The following ALDH1A2 variants were observed in gnomAD, a reference collection of about 807,000 sequenced individuals.
ALDH1A2 encodes retinal dehydrogenase 2.
A neutral mutation model predicts 60.3 loss-of-function variants in ALDH1A2; 27 were observed. The ratio of observed to expected loss-of-function variants is 0.45; its 90% CI spans 0.33 to 0.62. ALDH1A2 has a LOEUF of 0.62. Ranked by LOEUF, ALDH1A2 falls within the 20% of genes least tolerant of loss-of-function variation. ALDH1A2 has a pLI of 0.02. For missense variants in ALDH1A2, 581 were observed against 643.8 expected (o/e 0.90, Z 1.06); for synonymous variants, 289 against 232.4 (o/e 1.24, Z -2.21).
intron 1 of ALDH1A2, among the ~76,000 whole-genome samples, chr15:58,025,070 T>C (rs1896041399): frequency 6.6e-6 from 1 of 151,902 alleles, no homozygotes; most frequent in African/African-American, 2.4e-5. Flanking sequence ...AATGCCTACA[T>C]CTAAAAAAAG....
Position 57,960,844 on chromosome 15 carries a change from C to A in ALDH1A2, c.1410G>T (p.Trp470Cys). Residue 470 changes from tryptophan to cysteine, a missense_variant and splice_region_variant, in exon 12 of 13, where the codon TGG becomes TGT. Physicochemically the swap from Trp to Cys is radical, Grantham distance 215 (BLOSUM62 -2). This residue lies in a region of ALDH1A2 where 375 missense variants were observed against 469.7 expected (regional missense o/e 0.80). Coordinates refer to ENST00000249750, the MANE Select transcript of ALDH1A2 (RefSeq NM_003888.4). ...CATTTAAGGCATTGTAACAATTGAT[C>A]CTGAAAGAAGAAAACATAGCACTGT... ...VSSAMQAGTV[W>C]INCYNALNAQ... is the part of the protein sequence containing the mutation. The A allele has an allele frequency of 6.2e-7, 1 of 1,613,660 alleles. No individual in the cohort carries two copies. Among genetic ancestry groups the A allele is most frequent in the Non-Finnish European group, 8.5e-7 (1 of 1,179,632 alleles).
rs1893453913 is a variant in ALDH1A2 at position 57,954,565 on chromosome 15, C to G, written c.*632G>C. 6.4e-6 allele frequency: 1 copy of G among 157,016 alleles called. No individual in the cohort carries two copies. Among genetic ancestry groups the G allele is most frequent in the Non-Finnish European group, 1.4e-5 (1 of 70,382 alleles). 9.7% of individuals were successfully genotyped at this position (157,016 alleles called of 1,614,324 possible). A position where few individuals can be genotyped will look rare whatever the true frequency, so the allele number is the denominator to read the frequency against. ...ATGTTATTTATGGGTAAAAGAAAAC[C>G]AGATTGGGTCAGGAATATCCCAGGT... On this transcript the variant is annotated 3_prime_UTR_variant, in exon 13 of 13. Coordinates refer to ENST00000249750, the MANE Select transcript of ALDH1A2 (RefSeq NM_003888.4).
rs770784333 is a variant in ALDH1A2, at chr15:57,995,099, T to C, written c.534A>G (p.Gly178=). 6.2e-7 allele frequency: 1 copy of C among 1,611,318 alleles called. No homozygotes were observed. The change falls in exon 5 of 13, where the codon GGA becomes GGG. Residue 178 remains glycine, a synonymous_variant. Coordinates refer to ENST00000249750, the MANE Select transcript of ALDH1A2 (RefSeq NM_003888.4). Reference sequence around the variant, plus strand: ...TCACTGGGATGATCTGTCCACACACTCCAATGGGTTCATGTCTTGTAAAGG... The same window carrying C: ...TCACTGGGATGATCTGTCCACACACCCCAATGGGTTCATGTCTTGTAAAGG... ...YFTFTRHEPI[G]VCGQIIPWNF... is the part of the protein sequence containing the mutation.
chr15:58,029,867 A>C (rs149422756), intron 1 of ALDH1A2, among the ~76,000 whole-genome samples: 89 of 152,296 alleles, frequency 5.8e-4, no homozygotes, highest in African/African-American at 1.9e-3. Context: ...ATAGACCAAT[A>C]ATCAGTTCTG....
chr15:57,968,816 T>C (rs1396543650), intron 7 of ALDH1A2, among the ~76,000 whole-genome samples: 1 of 152,244 alleles, frequency 6.6e-6, no homozygotes. Flanking sequence ...TAGAGGTTGA[T>C]ATTTTTTTGC....
chr15:58,065,426 C>T (rs1426312118), intron 1 of ALDH1A2, 108 bp downstream of exon 1: 12 of 989,782 alleles, frequency 1.2e-5, no homozygotes, highest in Non-Finnish European at 1.3e-5. Context: ...AGGCTGGCCC[C>T]GACGACCCCG....
intron 7 of ALDH1A2, among the ~76,000 whole-genome samples, chr15:57,979,086 C>T (rs760737706): frequency 1.3e-5 from 2 of 152,044 alleles, no homozygotes; most frequent in South Asian, 2.1e-4. Flanking sequence ...TAGGCCCAAC[C>T]ACTCAGCATC....
At chr15:57,996,724 T>C (rs997129789) in intron 4 of ALDH1A2, among the ~76,000 whole-genome samples, 7 of 152,088 alleles carry the variant, frequency 4.6e-5, no homozygotes, top group African/African-American at 1.7e-4. Flanking sequence ...ACATTTCAGA[T>C]TTTCAAAAAT....
intron 9 of ALDH1A2, among the ~76,000 whole-genome samples, chr15:57,962,601 C>A (rs1893761278): frequency 6.6e-6 from 1 of 152,054 alleles, no homozygotes; most frequent in Non-Finnish European, 1.5e-5. Flanking sequence ...GCTACATACC[C>A]AATCTTATTG....
chr15:58,051,928 C>T (rs1896786519), intron 1 of ALDH1A2, among the ~76,000 whole-genome samples: 1 of 152,092 alleles, frequency 6.6e-6, no homozygotes, highest in Admixed American at 6.6e-5. Context: ...GAAAGCTGCT[C>T]AAATGGTCTG....
At chr15:57,976,945 G>C (rs1353679387) in intron 7 of ALDH1A2, among the ~76,000 whole-genome samples, 2 of 152,088 alleles carry the variant, frequency 1.3e-5, no homozygotes, top group Non-Finnish European at 2.9e-5. Flanking sequence ...ACTTTTTAAT[G>C]ATCGCCATTC....
rs778997757 is a variant in ALDH1A2, at chr15:57,963,932, G to A, written c.1039C>T (p.Arg347Cys). 1.7e-5 allele frequency: 28 copies of A among 1,613,996 alleles called. No homozygotes were observed. Among genetic ancestry groups the A allele is most frequent in the South Asian group, 3.3e-5 (3 of 91,086 alleles). ...VRRSVERAKR[R>C]VVGSPFDPTT... ...GGGTCAAAGGGACTCCCCACTACGC[G>A]CCTCTTGGCCCGCTCCACGCTTCTT... The change falls in exon 9 of 13, where the codon CGC (arginine) becomes TGC (cysteine). Residue 347 changes from arginine (R) to cysteine (C), a missense_variant. Arg to Cys is a radical substitution (Grantham distance 180, BLOSUM62 -3). Transcript: ENST00000249750.
intron 4 of ALDH1A2, among the ~76,000 whole-genome samples, chr15:57,997,434 A>T (rs934332527): frequency 6.6e-6 from 1 of 152,038 alleles, no homozygotes; most frequent in Non-Finnish European, 1.5e-5. Context: ...CACAGACCAC[A>T]GAATCAGAGA....
At chr15:58,061,363 G>C (rs1426099555) in intron 1 of ALDH1A2, among the ~76,000 whole-genome samples, 3 of 151,606 alleles carry the variant, frequency 2.0e-5, no homozygotes, top group African/African-American at 7.3e-5. Context: ...GTAAAGGTTT[G>C]GAAGGATCTA....
chr15:58,046,883 G>T (rs756848837), intron 1 of ALDH1A2, among the ~76,000 whole-genome samples: 1 of 152,024 alleles, frequency 6.6e-6, no homozygotes, highest in South Asian at 2.1e-4. Context: ...AAGATTGGCT[G>T]TCAACAGCAT....
At chr15:57,996,998 T>C (rs1464052355) in intron 4 of ALDH1A2, among the ~76,000 whole-genome samples, 1 of 152,066 alleles carries the variant, frequency 6.6e-6, no homozygotes, top group Non-Finnish European at 1.5e-5. Flanking sequence ...GCCTCTGTCA[T>C]AATATTGCAA....
intron 1 of ALDH1A2, among the ~76,000 whole-genome samples, chr15:58,049,106 G>T (rs867327877): frequency 6.6e-6 from 1 of 152,000 alleles, no homozygotes; most frequent in African/African-American, 2.4e-5. Flanking sequence ...TTCACTCAGC[G>T]TATTTTACAA....
chr15:57,956,155 A>G (rs1893517912), intron 12 of ALDH1A2, among the ~76,000 whole-genome samples: 2 of 152,162 alleles, frequency 1.3e-5, no homozygotes, highest in Non-Finnish European at 2.9e-5. Context: ...CATAGGGTAT[A>G]GCCTACAACA....
intron 12 of ALDH1A2, among the ~76,000 whole-genome samples, chr15:57,960,164 T>C (rs1893673770): frequency 6.6e-6 from 1 of 152,194 alleles, no homozygotes; most frequent in South Asian, 2.1e-4. Context: ...ATGTTATTAG[T>C]TTTATTTACC....
Sources: gnomAD v4.1 joint callset for allele counts (sites outside exome capture counted in the v4.1 genomes callset) on GRCh38, gnomAD v4.1.1 for gene constraint, gnomAD v4.1.1 regional missense constraint, MANE v1.5 for transcripts, NCBI Gene and HGNC (gene_info 2026-07-23, HGNC 2026-07-21) for gene names.